The following KCNH1 variants were observed in gnomAD, a reference collection of about 807,000 sequenced individuals.
KCNH1 encodes potassium voltage-gated channel subfamily H member 1, also known as voltage-gated delayed rectifier potassium channel KCNH1.
A neutral mutation model predicts 69.2 loss-of-function variants in KCNH1; 27 were observed. The observed-to-expected ratio is 0.39, with a 90% CI of 0.29 to 0.54. The LOEUF is 0.54. Among genes scored for constraint, KCNH1 ranks in the 20% least tolerant of loss-of-function variants. The probability of loss-of-function intolerance (pLI) is 0.68; values close to 1 mark genes in which losing one functional copy is unlikely to be tolerated. For synonymous variants in KCNH1, 456 were observed against 487.7 expected, an observed-to-expected ratio of 0.93 and a Z score of 0.86; for missense variants, 798 against 1,261.6, an observed-to-expected ratio of 0.63 and a Z score of 5.57.
intron 1 of KCNH1, among the ~76,000 whole-genome samples, chr1:211,120,871 A>C (rs1323516977): frequency 6.6e-6 from 1 of 152,176 alleles, no homozygotes; most frequent in African/African-American, 2.4e-5. Context: ...AATCACAAGC[A>C]TTCCTTTACA....
At chr1:210,886,559 CAGA>C (rs779090241) in intron 7 of KCNH1, among the ~76,000 whole-genome samples, 16 of 152,062 alleles carry the variant, frequency 1.1e-4, no homozygotes, top group East Asian at 3.9e-4. Context: ...GACAAATTGA[CAGA>C]AGTAGGCTTC....
intron 5 of KCNH1, among the ~76,000 whole-genome samples, chr1:211,053,622 TG>T (rs1330998113): frequency 6.6e-6 from 1 of 152,210 alleles, no homozygotes; most frequent in African/African-American, 2.4e-5. Flanking sequence ...GTGCCATGCC[TG>T]GGTAGAGTCA....
At chr1:210,788,987 C>G (rs557128006) in intron 9 of KCNH1, among the ~76,000 whole-genome samples, 1 of 148,964 alleles carries the variant, frequency 6.7e-6, no homozygotes, top group African/African-American at 2.6e-5. Context: ...TGAGCCACCG[C>G]GCCCGGCCTA....
intron 6 of KCNH1, among the ~76,000 whole-genome samples, chr1:210,991,889 T>C (rs190128998): frequency 5.9e-4 from 90 of 152,344 alleles, no homozygotes; most frequent in Admixed American, 2.0e-3. Flanking sequence ...TCTCCTGAGA[T>C]TGGGGCCTCC....
At chr1:210,966,626 C>G (rs1255382734) in intron 6 of KCNH1, among the ~76,000 whole-genome samples, 3 of 152,186 alleles carry the variant, frequency 2.0e-5, no homozygotes, top group Non-Finnish European at 4.4e-5. Flanking sequence ...AAATGCTCAT[C>G]ATCACTGGTC....
chr1:210,922,513 T>C (rs1004171238), intron 6 of KCNH1, among the ~76,000 whole-genome samples: 6 of 149,160 alleles, frequency 4.0e-5, no homozygotes, highest in South Asian at 2.1e-4. Flanking sequence ...AAAATAAGAA[T>C]AGATTTTTGT....
chr1:210,760,288 C>T (rs1162118173), intron 10 of KCNH1, among the ~76,000 whole-genome samples: 3 of 152,088 alleles, frequency 2.0e-5, no homozygotes, highest in Non-Finnish European at 2.9e-5. Flanking sequence ...AAGGGTAATA[C>T]TATAATATGA....
In KCNH1 at chr1:210,991,520, G is replaced by C. The variant is rs182467090; in HGVS notation, c.1032+27263C>G. ...AGTTTCAGTTAGACAGGAGGAATAA[G>C]TTTTAGTGATCTATTGCTCAACATG... On this transcript the variant is annotated intron_variant, in intron 6 of 10. Transcript: ENST00000271751. Among the ~76,000 whole-genome samples, 4 of 152,034 alleles carry C rather than the reference G, an allele frequency of 2.6e-5. No individual in the cohort carries two copies. The East Asian group carries it at 7.7e-4, about 29-fold the overall frequency.
intron 1 of KCNH1, among the ~76,000 whole-genome samples, chr1:211,121,947 A>G (rs915119319): frequency 2.0e-5 from 3 of 152,174 alleles, no homozygotes; most frequent in Admixed American, 2.0e-4. Flanking sequence ...CATCCTGGCT[A>G]ACACGGTGAA....
chr1:210,863,061 C>T (rs981313704), intron 7 of KCNH1, among the ~76,000 whole-genome samples: 3 of 152,128 alleles, frequency 2.0e-5, no homozygotes, highest in Non-Finnish European at 4.4e-5. Flanking sequence ...GGAAGAAAGC[C>T]GCATCACTTA....
chr1:210,796,484 C>T (rs1203898483), intron 9 of KCNH1, among the ~76,000 whole-genome samples: 4 of 152,144 alleles, frequency 2.6e-5, no homozygotes, highest in Non-Finnish European at 4.4e-5. Context: ...TGTTGTCTAG[C>T]TAGCTGAGAA....
chr1:211,106,330 T>G (rs930405746), intron 2 of KCNH1, among the ~76,000 whole-genome samples: 4 of 152,212 alleles, frequency 2.6e-5, no homozygotes, highest in African/African-American at 9.6e-5. Flanking sequence ...AGAGCTTTTC[T>G]AACACCACGG....
intron 6 of KCNH1, among the ~76,000 whole-genome samples, chr1:210,952,442 T>C (rs1377818733): frequency 6.6e-6 from 1 of 152,210 alleles, no homozygotes; most frequent in African/African-American, 2.4e-5. Flanking sequence ...AGCACAAACA[T>C]CAAGCCTGGT....
At chr1:211,052,358 A>G (rs1690222383) in intron 5 of KCNH1, among the ~76,000 whole-genome samples, 1 of 152,212 alleles carries the variant, frequency 6.6e-6, no homozygotes, top group African/African-American at 2.4e-5. Flanking sequence ...CAGTAATAGC[A>G]CACTTACAAC....
At position 211,059,267 on chromosome 1, in the gene KCNH1, G is replaced by A. The variant is rs1338175047; in HGVS notation, c.558+23513C>T. Among the ~76,000 whole-genome samples, 5 of 148,144 alleles carry A rather than the reference G, an allele frequency of 3.4e-5. No homozygotes were observed. In the South Asian group the frequency reaches 6.4e-4, roughly 19 times the overall value. On this transcript the variant is annotated intron_variant, in intron 5 of 10. Coordinates refer to ENST00000271751, the MANE Select transcript of KCNH1 (RefSeq NM_172362.3). ...TATACTCCAGCCTGGGCAACAGAGC[G>A]AGACTCCATCTCAAAAAAAAAAAAA...
At chr1:211,072,868 T>C (rs996815922) in intron 5 of KCNH1, among the ~76,000 whole-genome samples, 11 of 152,176 alleles carry the variant, frequency 7.2e-5, no homozygotes, top group African/African-American at 2.7e-4. Flanking sequence ...ACCAGAGATA[T>C]TAATTCAACT....
At chr1:210,848,486 C>T (rs1219838942) in intron 7 of KCNH1, among the ~76,000 whole-genome samples, 1 of 152,196 alleles carries the variant, frequency 6.6e-6, no homozygotes, top group East Asian at 1.9e-4. Context: ...ACTCTAGCGT[C>T]TCACCCACAT....
In KCNH1 at chr1:211,101,111, C is replaced by T. The variant is rs182694432; in HGVS notation, c.310+2385G>A. ...TTAGGAAGATTTCCTTCCCTGACCC[C>T]CTAGGTTGGAGTCATGAGCCACCTA... On this transcript the variant is annotated intron_variant, in intron 3 of 10. Coordinates refer to ENST00000271751, the MANE Select transcript of KCNH1 (RefSeq NM_172362.3). 1.1e-3 allele frequency among the ~76,000 whole-genome samples: 164 copies of T among 152,284 alleles called. 1 individual carries two copies. Among genetic ancestry groups the T allele is most frequent in the Middle Eastern group, 0.01 (3 of 292 alleles).
intron 10 of KCNH1, among the ~76,000 whole-genome samples, chr1:210,727,699 ATAATT>A (rs547105971): frequency 1.3e-5 from 2 of 152,344 alleles, no homozygotes; most frequent in South Asian, 2.1e-4. Context: ...TCCTTTGGAA[ATAATT>A]TAATAAGCTT....
Sources: allele counts gnomAD v4.1 joint callset (sites outside exome capture counted in the v4.1 genomes callset), GRCh38; gene constraint gnomAD v4.1.1; transcripts MANE v1.5; gene names NCBI Gene and HGNC (gene_info 2026-07-23, HGNC 2026-07-21).